HSD17B14: variants seen among roughly 807,000 people sequenced by gnomAD.
HSD17B14 encodes L-fucose dehydrogenase.
In HSD17B14, 32 loss-of-function variants were observed where a neutral mutation model predicts 32.2. The ratio of observed to expected loss-of-function variants is 0.99; its 90% CI spans 0.75 to 1.33. The LOEUF (loss-of-function observed/expected upper bound fraction) is 1.33. Among genes scored for constraint, HSD17B14 ranks in the 40% most tolerant of loss-of-function variants. The probability of loss-of-function intolerance (pLI) is 0.00; values close to 1 mark genes in which losing one functional copy is unlikely to be tolerated. For synonymous variants in HSD17B14, 140 were observed against 155.4 expected, an observed-to-expected ratio of 0.90 and a Z score of 0.74; for missense variants, 370 against 366.5, an observed-to-expected ratio of 1.01 and a Z score of -0.08.
At chr19:48,821,527 T>G (rs1426172494) in intron 5 of HSD17B14, among the ~76,000 whole-genome samples, 1 of 152,144 alleles carries the variant, frequency 6.6e-6, no homozygotes, top group Non-Finnish European at 1.5e-5. Context: ...GACCTGGAGA[T>G]TCTAATTCAA....
chr19:48,818,560 G>A (rs931143398), intron 5 of HSD17B14, among the ~76,000 whole-genome samples: 1 of 151,592 alleles, frequency 6.6e-6, no homozygotes, highest in Non-Finnish European at 1.5e-5. Context: ...GCAAACATGA[G>A]TCTCACCAGG....
intron 5 of HSD17B14, among the ~76,000 whole-genome samples, chr19:48,820,434 C>T (rs746008240): frequency 2.0e-5 from 3 of 151,912 alleles, no homozygotes; most frequent in Admixed American, 6.6e-5. Flanking sequence ...TGCACCACTG[C>T]ACTCCAGCCT....
intron 5 of HSD17B14, among the ~76,000 whole-genome samples, chr19:48,826,718 C>T (rs1416729154): frequency 1.3e-5 from 2 of 151,260 alleles, no homozygotes; most frequent in Non-Finnish European, 2.9e-5. Context: ...CCCAACCTCC[C>T]GGGAACATTT....
At chr19:48,816,961 G>A (rs143085200) in intron 5 of HSD17B14, among the ~76,000 whole-genome samples, 4 of 149,600 alleles carry the variant, frequency 2.7e-5, no homozygotes, top group South Asian at 2.1e-4. Context: ...TCGGCTTCCC[G>A]AGTAGCTGGG....
chr19:48,830,758 A>C (rs970115244), intron 5 of HSD17B14, among the ~76,000 whole-genome samples: 57 of 152,030 alleles, frequency 3.7e-4, no homozygotes, highest in African/African-American at 1.3e-3. Context: ...CCTGGGCTTA[A>C]GGGATCCTCT....
rs748436523 is a variant in HSD17B14 at position 48,834,304 on chromosome 19, C to CT, written c.181_182insA (p.Cys61Ter). Residue 61 changes from cysteine (C) to a stop codon, truncating the protein, a stop_gained and frameshift_variant, in exon 3 of 9, where the codon TGT becomes TAGT. Coordinates refer to ENST00000263278, the MANE Select transcript of HSD17B14 (RefSeq NM_016246.3). LOFTEE classifies it high-confidence loss of function. ...CACATCATCTTCCTGAGTCACATCA[C>CT]AGAGGATAAAGACAGCTCCAGGGAG... ...QELPGAVFIL[C>*]DVTQEDDVKT... 1.2e-6 allele frequency: 2 copies of CT among 1,613,986 alleles called. No individual in the cohort carries two copies. The highest frequency in any genetic ancestry group is 2.7e-5 in the African/African-American group (2 of 74,938).
intron 5 of HSD17B14, among the ~76,000 whole-genome samples, chr19:48,828,406 C>T (rs1432111495): frequency 6.6e-6 from 1 of 151,510 alleles, no homozygotes; most frequent in Non-Finnish European, 1.5e-5. Context: ...CAGCTTGAGG[C>T]AAGGAGTTCG....
In HSD17B14 at chr19:48,815,006, G is replaced by A. The variant is rs1206907738; in HGVS notation, c.474+31C>T. ...AGCCAAGGCCCATGGGAAGGAGTAG[G>A]GAGGGAAGGAAGGGGTAGGGGCTGC... On this transcript the variant is annotated intron_variant, in intron 6 of 8. Coordinates refer to ENST00000263278, the MANE Select transcript of HSD17B14 (RefSeq NM_016246.3). The A allele has an allele frequency of 3.3e-6, 5 of 1,533,116 alleles. No homozygotes were observed. In the Admixed American group the frequency reaches 6.7e-5, roughly 21 times the overall value. The allele number at this position is 1,533,116 out of a possible 1,614,324, so 95.0% of individuals were successfully genotyped here.
chr19:48,814,638 G>A (rs999107327), intron 6 of HSD17B14, among the ~76,000 whole-genome samples: 17 of 151,522 alleles, frequency 1.1e-4, no homozygotes, highest in Admixed American at 8.6e-4. Context: ...TCAGAAGATC[G>A]AGACCATCCT....
Position 48,813,476 on chromosome 19 carries a change from G to A in HSD17B14, c.619C>T (p.Arg207Ter), listed in dbSNP as rs2034997772. ...TCTACCTGGGCCAGCATGCCCTCTC[G>A]GATTGTGGCCCTAGGGTCTGGCATT... ...ALMPDPRATI[R>*]EGMLAQPLGR... The change falls in exon 8 of 9, where the codon CGA (arginine) becomes TGA (stop). Residue 207 changes from arginine to a stop codon, truncating the protein, a stop_gained. Coordinates refer to ENST00000263278, the MANE Select transcript of HSD17B14 (RefSeq NM_016246.3). LOFTEE classifies it low-confidence loss of function (END_TRUNC). 5.6e-6 allele frequency: 9 copies of A among 1,613,266 alleles called. No individual in the cohort carries two copies. The highest frequency in any genetic ancestry group is 1.7e-5 in the Admixed American group (1 of 59,784).
intron 5 of HSD17B14, among the ~76,000 whole-genome samples, chr19:48,824,807 G>A (rs1397280732): frequency 6.7e-6 from 1 of 149,686 alleles, no homozygotes; most frequent in Non-Finnish European, 1.5e-5. Context: ...GAAAAGAAAA[G>A]AACAATGGGG....
chr19:48,827,785 G>T (rs966778716), intron 5 of HSD17B14, among the ~76,000 whole-genome samples: 1 of 151,624 alleles, frequency 6.6e-6, no homozygotes, highest in African/African-American at 2.4e-5. Context: ...TGATCCACCC[G>T]CCTTGGCATC....
chr19:48,834,198 G>T, intron 3 of HSD17B14, 78 bp downstream of exon 3: 2 of 1,159,750 alleles, frequency 1.7e-6, no homozygotes, highest in Admixed American at 1.8e-5. Flanking sequence ...TAGAGGGAAA[G>T]GCATATGCAA....
chr19:48,825,946 G>A (rs12979373), intron 5 of HSD17B14, among the ~76,000 whole-genome samples: 11,405 of 151,946 alleles, frequency 0.075, 544 homozygotes, highest in South Asian at 0.14. Flanking sequence ...TCAGCCTCCC[G>A]AGTAGCTGGG....
chr19:48,813,387 C>T (rs1208047976), intron 8 of HSD17B14, 39 bp from the exon 9 acceptor site: 1 of 1,554,126 alleles, frequency 6.4e-7, no homozygotes, highest in Non-Finnish European at 8.7e-7. Flanking sequence ...CAAGAGGAGC[C>T]CCACTTGATC....
intron 5 of HSD17B14, among the ~76,000 whole-genome samples, chr19:48,829,398 C>A (rs530735697): frequency 6.6e-6 from 1 of 151,756 alleles, no homozygotes; most frequent in Non-Finnish European, 1.5e-5. Context: ...GTCACCCAGG[C>A]TGGAGTGTAG....
chr19:48,820,661 A>G (rs1438415808), intron 5 of HSD17B14, among the ~76,000 whole-genome samples: 3 of 150,234 alleles, frequency 2.0e-5, no homozygotes, highest in Non-Finnish European at 3.0e-5. Context: ...CCTCCCGAGT[A>G]GCTGGGATTA....
chr19:48,826,544 C>CATAT (rs1227928130), intron 5 of HSD17B14, among the ~76,000 whole-genome samples: 1 of 49,936 alleles, frequency 2.0e-5, no homozygotes, highest in Non-Finnish European at 3.7e-5. Context: ...TATATATATA[C>CATAT]ACACACACAC....
chr19:48,813,513 C>A lies in HSD17B14; in HGVS notation c.582G>T (p.Glu194Asp). The change falls in exon 8 of 9, where the codon GAG becomes GAT. Residue 194 changes from glutamate to aspartate, a missense_variant. Transcript: ENST00000263278. ...PGNIWTPLWE[E>D]LAALMPDPRA... ...TAGGGTCTGGCATTAAGGCTGCCAG[C>A]TCCTCCCACAGCGGGGTCCAGATGT... 3 of 1,614,090 alleles carry A rather than the reference C, an allele frequency of 1.9e-6. No homozygotes were observed. The highest frequency in any genetic ancestry group is 2.5e-6 in the Non-Finnish European group (3 of 1,179,996).
Sources: gnomAD v4.1 joint callset for allele counts (sites outside exome capture counted in the v4.1 genomes callset) on GRCh38, gnomAD v4.1.1 for gene constraint, MANE v1.5 for transcripts, NCBI Gene and HGNC (gene_info 2026-07-23, HGNC 2026-07-21) for gene names.